Variants in PRRC2A observed in about 807,000 individuals in gnomAD.
PRRC2A encodes the protein proline rich coiled-coil 2A, also known as protein PRRC2A.
In PRRC2A, 59 loss-of-function variants were observed where a neutral mutation model predicts 224.6. That is an observed-to-expected ratio of 0.26 (90% CI 0.21 to 0.33). The LOEUF (loss-of-function observed/expected upper bound fraction) is 0.33. Ranked by LOEUF, PRRC2A falls within the 10% of genes least tolerant of loss-of-function variation. PRRC2A has a pLI of 1.00. For synonymous variants in PRRC2A, 1,194 were observed against 1,109.5 expected (o/e 1.08, Z -1.51); for missense variants, 3,095 against 2,880.7 (o/e 1.07, Z -1.70).
In PRRC2A at chr6:31,630,580, G is replaced by C. The variant is rs772341364; in HGVS notation, c.2255-11G>C. 4.2e-5 allele frequency: 68 copies of C among 1,612,476 alleles called. No individual in the cohort carries two copies. The highest frequency in any genetic ancestry group is 2.8e-4 in the South Asian group (25 of 90,858). Reference sequence around the variant, plus strand: ...AATAGGATTATTTTTCTTTTTCTTTGGTTTCTTCAGGCCTAGTTCCCCGAG... The same window carrying C: ...AATAGGATTATTTTTCTTTTTCTTTCGTTTCTTCAGGCCTAGTTCCCCGAG... On this transcript the variant is annotated splice_polypyrimidine_tract_variant and intron_variant, in intron 14 of 30. Coordinates refer to ENST00000376033, the MANE Select transcript of PRRC2A (RefSeq NM_004638.4).
intron 17 of PRRC2A, 52 bp downstream of exon 17, chr6:31,633,699 A>G: frequency 2.6e-6 from 4 of 1,560,428 alleles, no homozygotes; most frequent in South Asian, 1.2e-5. Context: ...GAGAAGGTCA[A>G]GTGCTGGAGG....
At position 31,632,761 on chromosome 6, in the gene PRRC2A, C is replaced by T. The variant is rs757004021; in HGVS notation, c.4088C>T (p.Pro1363Leu). ...TPGGGGGGAV[P>L]GISAMSRGDL... Reference sequence around the variant, plus strand: ...GGGGGAGGTGGAGGTGGAGCCGTACCAGGTATTTCAGCCATGTCCCGCGGA... The same window carrying T: ...GGGGGAGGTGGAGGTGGAGCCGTACTAGGTATTTCAGCCATGTCCCGCGGA... The change falls in exon 16 of 31, where the codon CCA becomes CTA. Residue 1363 changes from proline (P) to leucine (L), a missense_variant. This residue lies in a region of PRRC2A where 2,001 missense variants were observed against 1,764.9 expected (regional missense o/e 1.13). Coordinates refer to ENST00000376033, the MANE Select transcript of PRRC2A (RefSeq NM_004638.4). 2 of 1,613,060 alleles carry T rather than the reference C, an allele frequency of 1.2e-6. No individual in the cohort carries two copies. The highest frequency in any genetic ancestry group is 4.5e-5 in the East Asian group (2 of 44,884).
In PRRC2A at chr6:31,637,294, C is replaced by G; in HGVS notation, c.6303C>G (p.Phe2101Leu). 6.2e-7 allele frequency: 1 copy of G among 1,612,582 alleles called. No homozygotes were observed. The highest frequency in any genetic ancestry group is 8.5e-7 in the Non-Finnish European group (1 of 1,179,558). ...CGCCTTCCACCTACAGTGGAGTCTT[C>G]CGCACCCAGCGCGTCGACCTTTACC... ...KATPSTYSGV[F>L]RTQRVDLYQQ... The change falls in exon 30 of 31, where the codon TTC (phenylalanine) becomes TTG (leucine). Residue 2101 changes from phenylalanine (F) to leucine (L), a missense_variant. Physicochemically the swap from Phe to Leu is conservative, Grantham distance 22. This residue lies in a region of PRRC2A where 662 missense variants were observed against 609.5 expected (regional missense o/e 1.09). Transcript: ENST00000376033.
In PRRC2A at chr6:31,626,769, C is replaced by T. The variant is rs1364568393; in HGVS notation, c.983-3C>T. The stretch of plus-strand genomic sequence containing the variant: ...GGTTACTAATACTCATATTTCCCCT[C>T]AGGGGCCCATGAAGAGGTTGACTAC... On this transcript the variant is annotated splice_region_variant and splice_polypyrimidine_tract_variant and intron_variant, in intron 9 of 30. Transcript: ENST00000376033. The T allele has an allele frequency of 2.5e-6, 4 of 1,571,840 alleles. No individual in the cohort carries two copies. The highest frequency in any genetic ancestry group is 1.9e-5 in the Admixed American group (1 of 52,400).
Position 31,625,715 on chromosome 6 carries a change from T to C in PRRC2A, c.760-77T>C. On this transcript the variant is annotated intron_variant, in intron 7 of 30. Coordinates refer to ENST00000376033, the MANE Select transcript of PRRC2A (RefSeq NM_004638.4). This position sits in a 1 kb window ranked among gnomAD's most constrained non-coding sequence, Gnocchi z 4.1. ...TGAGATAGAAGGGAGGGTGGGAGGA[T>C]GATTGATAGCAGGCTTAAGGAGCTA... 1 of 1,575,714 alleles carries C rather than the reference T, an allele frequency of 6.3e-7. No individual in the cohort carries two copies. The highest frequency in any genetic ancestry group is 8.7e-7 in the Non-Finnish European group (1 of 1,145,258).
intron 17 of PRRC2A, 102 bp from the exon 18 acceptor site, chr6:31,633,757 C>G: frequency 4.6e-6 from 7 of 1,528,868 alleles, no homozygotes; most frequent in Non-Finnish European, 6.1e-6. Context: ...GGGTGCGTTT[C>G]TGCAGGGAGC....
rs1441050718 is a variant in PRRC2A, at chr6:31,629,174, C to T, written c.1796C>T (p.Pro599Leu). 6.2e-6 allele frequency: 10 copies of T among 1,613,978 alleles called. No individual in the cohort carries two copies. Among genetic ancestry groups the T allele is most frequent in the African/African-American group, 2.7e-5 (2 of 74,902 alleles). ...VEPQLPSKEG[P>L]EPPEEVPPPT... ...CCACAACTGCCCTCAAAAGAGGGTCCTGAACCACCAGAAGAGGTTCCTCCT... is the reference window on the plus strand; with the variant it reads ...CCACAACTGCCCTCAAAAGAGGGTCTTGAACCACCAGAAGAGGTTCCTCCT... The change falls in exon 13 of 31, where the codon CCT (proline) becomes CTT (leucine). Residue 599 changes from proline (P) to leucine (L), a missense_variant. Transcript: ENST00000376033.
At position 31,635,581 on chromosome 6, in the gene PRRC2A, G is replaced by T; in HGVS notation, c.5374-1G>T. The T allele has an allele frequency of 6.2e-7, 1 of 1,611,076 alleles. No individual in the cohort carries two copies. Among genetic ancestry groups the T allele is most frequent in the Non-Finnish European group, 8.5e-7 (1 of 1,178,722 alleles). On this transcript the variant is annotated splice_acceptor_variant, in intron 23 of 30. Coordinates refer to ENST00000376033, the MANE Select transcript of PRRC2A (RefSeq NM_004638.4). LOFTEE classifies it high-confidence loss of function. ...CTCTCCACGAGGCCTCTCCTTCCCA[G>T]GCCATTCCTGTATCACGAGACTGGG...
In PRRC2A at chr6:31,631,987, G is replaced by A. The variant is rs758338143; in HGVS notation, c.3314G>A (p.Gly1105Asp). The change falls in exon 16 of 31, where the codon GGC becomes GAC. Residue 1105 changes from glycine (G) to aspartate (D), a missense_variant. This residue lies in a region of PRRC2A where 2,001 missense variants were observed against 1,764.9 expected (regional missense o/e 1.13). Coordinates refer to ENST00000376033, the MANE Select transcript of PRRC2A (RefSeq NM_004638.4). This position sits in a 1 kb window ranked among gnomAD's most constrained non-coding sequence, Gnocchi z 4.5. ...ATCCCCAAGCGGCGCCGGCAGCGGG[G>A]CTCAGAAACAGGCAGCGAGACCCAT... Reference protein sequence around the residue: ...EEIPKRRRQRGSETGSETHES... With the variant: ...EEIPKRRRQRDSETGSETHES... The A allele has an allele frequency of 2.5e-6, 4 of 1,612,374 alleles. No homozygotes were observed. The highest frequency in any genetic ancestry group is 4.5e-5 in the East Asian group (2 of 44,850).
Position 31,635,955 on chromosome 6 carries a change from C to G in PRRC2A, c.5542-12C>G. ...ATACTAAAGCTGTTTCAACCGTGCT[C>G]CTCTCCTGCAGATCTCTGGGGGAGC... On this transcript the variant is annotated splice_polypyrimidine_tract_variant and intron_variant, in intron 24 of 30. Coordinates refer to ENST00000376033, the MANE Select transcript of PRRC2A (RefSeq NM_004638.4). The G allele has an allele frequency of 6.2e-7, 1 of 1,602,738 alleles. No homozygotes were observed. Among genetic ancestry groups the G allele is most frequent in the Non-Finnish European group, 8.5e-7 (1 of 1,171,768 alleles).
chr6:31,623,049 G>A, intron 2 of PRRC2A, 148 bp downstream of exon 2: 1 of 794,456 alleles, frequency 1.3e-6, no homozygotes, highest in Non-Finnish European at 2.3e-6. Flanking sequence ...TCCTTTAAAG[G>A]GGGTGTGGGC....
Position 31,629,835 on chromosome 6 carries a change from G to A in PRRC2A, c.2244G>A (p.Val748=). 1 of 1,613,966 alleles carries A rather than the reference G, an allele frequency of 6.2e-7. No individual in the cohort carries two copies. Among genetic ancestry groups the A allele is most frequent in the Non-Finnish European group, 8.5e-7 (1 of 1,179,922 alleles). Residue 748 remains valine (V), a synonymous_variant, in exon 14 of 31, where the codon GTG becomes GTA. Coordinates refer to ENST00000376033, the MANE Select transcript of PRRC2A (RefSeq NM_004638.4). ...RPPLDFYPPG[V]HPSGLVPRER... is the part of the protein sequence containing the mutation. ...CTCTAGACTTCTACCCTCCTGGTGT[G>A]CATCCCTCTGGTAAGGGGGCATGGG...
rs943925623 is a variant in PRRC2A at position 31,627,970 on chromosome 6, C to T, written c.1496C>T (p.Ala499Val). ...KLKRLDEKFG[A>V]PDKRLKAEPA... ...AAGCGACTCGATGAAAAGTTTGGGG[C>T]ACCTGACAAGCGGCTCAAAGCAGAG... Residue 499 changes from alanine to valine, a missense_variant, in exon 12 of 31, where the codon GCA (alanine) becomes GTA (valine). By Grantham distance (64) the Ala-to-Val change is moderately conservative. Coordinates refer to ENST00000376033, the MANE Select transcript of PRRC2A (RefSeq NM_004638.4). The surrounding 1 kb of genome is among the most constrained non-coding windows in gnomAD (Gnocchi z 5.6). 1 of 1,612,886 alleles carries T rather than the reference C, an allele frequency of 6.2e-7. No individual in the cohort carries two copies. The highest frequency in any genetic ancestry group is 8.5e-7 in the Non-Finnish European group (1 of 1,180,042).
At chr6:31,624,042 C>G in intron 3 of PRRC2A, 133 bp downstream of exon 3, 1 of 1,212,408 alleles carries the variant, frequency 8.2e-7, no homozygotes. Context: ...TTGCAGGTTC[C>G]TTGTTAAATG....
chr6:31,624,197 C>T, intron 3 of PRRC2A, 64 bp from the exon 4 acceptor site: 2 of 1,485,580 alleles, frequency 1.3e-6, no homozygotes, highest in Non-Finnish European at 1.9e-6. Flanking sequence ...CCTGAGTCTC[C>T]ACCAGTTGGA....
intron 1 of PRRC2A, among the ~76,000 whole-genome samples, 198 bp downstream of exon 1, chr6:31,621,056 G>A (rs1253315318): frequency 1.3e-5 from 2 of 152,184 alleles, no homozygotes; most frequent in Admixed American, 6.5e-5. Flanking sequence ...CGCACCTCCG[G>A]CAGTTCATTC....
intron 12 of PRRC2A, 126 bp from the exon 13 acceptor site, chr6:31,629,018 T>C: frequency 3.0e-6 from 3 of 984,468 alleles, no homozygotes; most frequent in Non-Finnish European, 4.7e-6. Context: ...GGGGCTTCAA[T>C]AGAATAGATG....
In PRRC2A at chr6:31,622,880, T is replaced by G. The variant is rs773289047; in HGVS notation, c.91T>G (p.Leu31Val). 1.2e-6 allele frequency: 2 copies of G among 1,614,088 alleles called. No individual in the cohort carries two copies. The highest frequency in any genetic ancestry group is 1.7e-6 in the Non-Finnish European group (2 of 1,179,962). Reference protein sequence around the residue: ...NLFDTYKGKSLEIQKPAVAPR... With the variant: ...NLFDTYKGKSVEIQKPAVAPR... ...GTTTGATACGTATAAGGGCAAGTCC[T>G]TAGAGATCCAGAAACCCGCTGGTGA... The change falls in exon 2 of 31, where the codon TTA (leucine) becomes GTA (valine). Residue 31 changes from leucine to valine, a missense_variant. Physicochemically the swap from Leu to Val is conservative, Grantham distance 32 (BLOSUM62 1). Transcript: ENST00000376033.
At position 31,625,624 on chromosome 6, in the gene PRRC2A, G is replaced by T; in HGVS notation, c.759+13G>T. Reference sequence around the variant, plus strand: ...GATGCCGCCTTTCGTGAGTCTTGGTGTCTTGTCTTGGAACGATTACACTGG... The same window carrying T: ...GATGCCGCCTTTCGTGAGTCTTGGTTTCTTGTCTTGGAACGATTACACTGG... On this transcript the variant is annotated intron_variant, in intron 7 of 30. Transcript: ENST00000376033. The surrounding 1 kb of genome is among the most constrained non-coding windows in gnomAD (Gnocchi z 4.1). The T allele has an allele frequency of 6.3e-7, 1 of 1,594,234 alleles. No individual in the cohort carries two copies. The highest frequency in any genetic ancestry group is 1.1e-5 in the South Asian group (1 of 88,008).
Sources: allele counts gnomAD v4.1 joint callset (sites outside exome capture counted in the v4.1 genomes callset), GRCh38; gene constraint gnomAD v4.1.1; regional missense constraint gnomAD v4.1.1; non-coding constraint Gnocchi (gnomAD v3.1); transcripts MANE v1.5; gene names NCBI Gene and HGNC (gene_info 2026-07-23, HGNC 2026-07-21).